DOCK9: variants seen among roughly 807,000 people sequenced by gnomAD.
The protein encoded by DOCK9 is dedicator of cytokinesis 9, also known as dedicator of cytokinesis protein 9.
Under a neutral mutation model 263.3 loss-of-function variants are expected in DOCK9, and 89 were observed. The observed-to-expected ratio is 0.34, with a 90% CI of 0.28 to 0.40. DOCK9 has a LOEUF of 0.40. DOCK9 is among the 10% of genes least tolerant of loss of function. The pLI, the probability that DOCK9 is intolerant of heterozygous loss-of-function variation, is 1.00. For missense variants in DOCK9, 2,140 were observed against 2,603.4 expected, an observed-to-expected ratio of 0.82 and a Z score of 3.87; for synonymous variants, 976 against 973.1, an observed-to-expected ratio of 1.00 and a Z score of -0.06.
upstream of DOCK9, chr13:98,978,158 A>G (rs1208267332): frequency 7.7e-7 from 1 of 1,303,128 alleles, no homozygotes; most frequent in East Asian, 2.7e-5. Flanking sequence ...CCAAAGGAAA[A>G]CAAACTCCAA....
intron 1 of DOCK9, among the ~76,000 whole-genome samples, chr13:98,970,311 G>T (rs1423819334): frequency 6.6e-6 from 1 of 152,178 alleles, no homozygotes; most frequent in Non-Finnish European, 1.5e-5. Flanking sequence ...CTCTGTTTTA[G>T]AAAGAGTGGT....
chr13:99,035,108 T>C (rs1887726227), intron 1 of DOCK9, among the ~76,000 whole-genome samples: 1 of 152,268 alleles, frequency 6.6e-6, no homozygotes, highest in Admixed American at 6.5e-5. Flanking sequence ...AACTTTCATG[T>C]GCAGGTTTGC....
chr13:98,908,512 C>T (rs1444906986), intron 9 of DOCK9, among the ~76,000 whole-genome samples: 1 of 152,006 alleles, frequency 6.6e-6, no homozygotes, highest in Non-Finnish European at 1.5e-5. Context: ...TGTGCAGTAG[C>T]AATAGTTGAA....
At chr13:98,879,091 C>T (rs1399152071) in intron 27 of DOCK9, among the ~76,000 whole-genome samples, 1 of 152,182 alleles carries the variant, frequency 6.6e-6, no homozygotes, top group Non-Finnish European at 1.5e-5. Context: ...CTCAGAGGAG[C>T]CCTGGAAACT....
upstream of DOCK9, chr13:99,088,146 C>G (rs1442662830): frequency 2.0e-5 from 3 of 152,264 alleles, no homozygotes; most frequent in Non-Finnish European, 4.4e-5. Context: ...GATTGTTTCT[C>G]CAGTGGGTGG....
At chr13:99,071,319 T>C (rs1358774357) in intron 1 of DOCK9, among the ~76,000 whole-genome samples, 2 of 139,102 alleles carry the variant, frequency 1.4e-5, no homozygotes, top group Non-Finnish European at 3.1e-5. Context: ...TTTTTTTTTT[T>C]TTTTTTTTTT....
chr13:98,807,619 C>T (rs2090876065), intron 48 of DOCK9, 42 bp downstream of exon 48: 1 of 1,505,384 alleles, frequency 6.6e-7, no homozygotes, highest in African/African-American at 1.4e-5. Context: ...TAATCAATCA[C>T]AACATTACAT....
chr13:98,869,025 T>C (rs975617027), intron 27 of DOCK9, among the ~76,000 whole-genome samples: 8 of 152,242 alleles, frequency 5.3e-5, no homozygotes, highest in Non-Finnish European at 1.2e-4. Context: ...GCATTTTTAC[T>C]GAGCATCTTT....
intron 1 of DOCK9, among the ~76,000 whole-genome samples, chr13:99,026,718 C>T (rs894017094): frequency 1.1e-4 from 16 of 151,650 alleles, no homozygotes; most frequent in African/African-American, 3.9e-4. Flanking sequence ...GAAAAAAATA[C>T]CAATTGGAGA....
intron 32 of DOCK9, among the ~76,000 whole-genome samples, chr13:98,861,683 TA>T (rs1011907053): frequency 6.6e-6 from 1 of 152,180 alleles, no homozygotes; most frequent in African/African-American, 2.4e-5. Context: ...GAATCCTTTT[TA>T]AAAAACAATC....
At chr13:98,911,776 A>C (rs1378931058) in intron 9 of DOCK9, among the ~76,000 whole-genome samples, 2 of 152,010 alleles carry the variant, frequency 1.3e-5, no homozygotes, top group African/African-American at 2.4e-5. Context: ...AGGTGCCACC[A>C]AAATAATAAT....
Position 98,864,549 on chromosome 13 carries a change from A to G in DOCK9, c.3287-1001T>C, listed in dbSNP as rs149804435. 2.6e-5 allele frequency among the ~76,000 whole-genome samples: 4 copies of G among 152,324 alleles called. No individual in the cohort carries two copies. In the East Asian group the frequency reaches 7.7e-4, roughly 29 times the overall value. On this transcript the variant is annotated intron_variant, in intron 30 of 52. Transcript: ENST00000682017. ...AGAAGGGGGAGAGTATTCATTTTCT[A>G]GATTATGTTCATTGTTTATGATTAT...
intron 36 of DOCK9, 93 bp from the exon 37 acceptor site, chr13:98,848,732 CATT>C (rs769448414): frequency 7.8e-7 from 1 of 1,289,928 alleles, no homozygotes; most frequent in Non-Finnish European, 1.1e-6. Flanking sequence ...ATTCAATAAA[CATT>C]ATGTCTAGTA....
intron 1 of DOCK9, among the ~76,000 whole-genome samples, chr13:99,061,879 GTT>G (rs60512791): frequency 6.8e-6 from 1 of 147,758 alleles, no homozygotes; most frequent in Non-Finnish European, 1.5e-5. Flanking sequence ...TTTTGGTTTT[GTT>G]TTTTTTTTGA....
chr13:99,071,769 G>A (rs1374314272), intron 1 of DOCK9, among the ~76,000 whole-genome samples: 12 of 152,038 alleles, frequency 7.9e-5, no homozygotes, highest in Non-Finnish European at 1.5e-4. Context: ...TCCACCATTC[G>A]CTTTAGTTTC....
At chr13:98,856,587 G>A (rs941182558) in intron 33 of DOCK9, 6 of 152,458 alleles carry the variant, frequency 3.9e-5, no homozygotes, top group African/African-American at 1.4e-4. Flanking sequence ...TATGATAAAA[G>A]GCAAGTAATC....
chr13:98,928,446 T>G (rs952142310), intron 3 of DOCK9, among the ~76,000 whole-genome samples: 5 of 152,220 alleles, frequency 3.3e-5, no homozygotes, highest in Admixed American at 1.3e-4. Context: ...TTAGTTATGT[T>G]GGCTCCAGCA....
upstream of DOCK9, among the ~76,000 whole-genome samples, chr13:98,979,000 T>C (rs554555725): frequency 2.6e-5 from 4 of 152,250 alleles, no homozygotes; most frequent in Non-Finnish European, 4.4e-5. Flanking sequence ...CTAAAAGTTA[T>C]GTAGAAATGA....
At chr13:98,881,096 A>G (rs1251885854) in intron 25 of DOCK9, among the ~76,000 whole-genome samples, 1 of 152,256 alleles carries the variant, frequency 6.6e-6, no homozygotes, top group Admixed American at 6.5e-5. Context: ...GATGTTGTAT[A>G]TAAATAAATA....
Sources: allele counts gnomAD v4.1 joint callset (sites outside exome capture counted in the v4.1 genomes callset), GRCh38; gene constraint gnomAD v4.1.1; transcripts MANE v1.5; gene names NCBI Gene and HGNC (gene_info 2026-07-23, HGNC 2026-07-21).